The following GGTA1 variants were observed in gnomAD, a reference collection of about 807,000 sequenced individuals.
GGTA1 encodes the protein glycoprotein alpha-galactosyltransferase 1 (inactive), also known as inactive N-acetyllactosaminide alpha-1,3-galactosyltransferase.
A neutral mutation model predicts 2.6 loss-of-function variants in GGTA1; 5 were observed. That is an observed-to-expected ratio of 1.92 (90% CI 1.00 to 4.04). The LOEUF is 4.04. Among genes scored for constraint, GGTA1 ranks in the 30% most tolerant of loss-of-function variants. The pLI, the probability that GGTA1 is intolerant of heterozygous loss-of-function variation, is 0.00. For synonymous variants in GGTA1, 17 were observed against 5.0 expected, an observed-to-expected ratio of 3.38 and a Z score of -3.19; for missense variants, 50 against 16.7, an observed-to-expected ratio of 2.99 and a Z score of -3.47.
downstream of GGTA1, among the ~76,000 whole-genome samples, chr9:121,454,874 C>T (rs1189653126): frequency 3.3e-5 from 5 of 152,144 alleles, no homozygotes; most frequent in East Asian, 3.9e-4. Context: ...ATTAGCCAGG[C>T]GTGGTGGTGC....
intron 1 of GGTA1, among the ~76,000 whole-genome samples, chr9:121,492,741 T>C (rs1255904529): frequency 6.6e-6 from 1 of 151,862 alleles, no homozygotes; most frequent in Admixed American, 6.6e-5. Flanking sequence ...CCCAAAGTGC[T>C]GGGATTACAG....
At chr9:121,498,529 C>G (rs181777156) in intron 1 of GGTA1, among the ~76,000 whole-genome samples, 2 of 152,334 alleles carry the variant, frequency 1.3e-5, no homozygotes, top group East Asian at 3.9e-4. Context: ...AGGAAGGTCT[C>G]CAGTAGTATC....
intron 1 of GGTA1, among the ~76,000 whole-genome samples, chr9:121,483,723 T>G (rs1039863593): frequency 6.6e-6 from 1 of 152,178 alleles, no homozygotes; most frequent in African/African-American, 2.4e-5. Context: ...GGCCTCACTG[T>G]TGTAGAGGCA....
At chr9:121,490,146 C>T (rs1828845685) in intron 1 of GGTA1, among the ~76,000 whole-genome samples, 2 of 152,210 alleles carry the variant, frequency 1.3e-5, no homozygotes, top group Admixed American at 6.5e-5. Flanking sequence ...GAGGACATAA[C>T]TGCTGTGGTA....
intron 5 of GGTA1, among the ~76,000 whole-genome samples, chr9:121,456,424 CT>C (rs983685601): frequency 5.5e-5 from 8 of 146,396 alleles, no homozygotes; most frequent in African/African-American, 5.0e-5. Context: ...AGTTAAAATT[CT>C]TTTTTTTTTT....
chr9:121,477,105 C>T (rs915448027), intron 1 of GGTA1, among the ~76,000 whole-genome samples: 3 of 152,366 alleles, frequency 2.0e-5, no homozygotes, highest in Non-Finnish European at 4.4e-5. Flanking sequence ...CACCCAGGTT[C>T]GTCTGCCTCA....
At chr9:121,477,408 GTAATAC>G (rs1828533472) in intron 1 of GGTA1, among the ~76,000 whole-genome samples, 1 of 152,106 alleles carries the variant, frequency 6.6e-6, no homozygotes, top group African/African-American at 2.4e-5. Flanking sequence ...AGACAGTTAA[GTAATAC>G]TAATCATTTT....
At chr9:121,445,935 G>A (rs1231790502) in exon 8 of GGTA1, 1 of 152,214 alleles carries the variant, frequency 6.6e-6, no homozygotes, top group African/African-American at 2.4e-5. Context: ...CTGCTTGCAA[G>A]CCTCTTCAAT....
intron 1 of GGTA1, among the ~76,000 whole-genome samples, chr9:121,471,949 G>C (rs1828398356): frequency 6.6e-6 from 1 of 152,214 alleles, no homozygotes; most frequent in Non-Finnish European, 1.5e-5. Context: ...CTCACTTCCA[G>C]AGAAGTGGGG....
intron 3 of GGTA1, among the ~76,000 whole-genome samples, chr9:121,462,052 G>C (rs1296488975): frequency 6.6e-6 from 1 of 152,190 alleles, no homozygotes; most frequent in Non-Finnish European, 1.5e-5. Flanking sequence ...GGTCGGGCAC[G>C]GTGGCTCACG....
intron 7 of GGTA1, among the ~76,000 whole-genome samples, chr9:121,449,215 C>T (rs2064866456): frequency 6.6e-6 from 1 of 152,224 alleles, no homozygotes; most frequent in African/African-American, 2.4e-5. Context: ...ATTGTGGTTG[C>T]TCTCAAGTTT....
At chr9:121,462,569 G>A (rs1342847101) in intron 3 of GGTA1, 1 of 152,044 alleles carries the variant, frequency 6.6e-6, no homozygotes, top group East Asian at 1.9e-4. Context: ...AGAACAGAAA[G>A]AGATACATTG....
downstream of GGTA1, chr9:121,452,149 A>G (rs559938413): frequency 3.3e-5 from 5 of 152,784 alleles, no homozygotes; most frequent in East Asian, 9.6e-4. Context: ...TCTACCTTCC[A>G]ATAGCAAAAA....
At chr9:121,459,894 G>A (rs902365934) in intron 5 of GGTA1, among the ~76,000 whole-genome samples, 3 of 152,176 alleles carry the variant, frequency 2.0e-5, no homozygotes, top group Non-Finnish European at 4.4e-5. Flanking sequence ...CTAGCACAGT[G>A]TTTTTGACCA....
intron 1 of GGTA1, among the ~76,000 whole-genome samples, chr9:121,475,031 G>T (rs1265327784): frequency 6.6e-6 from 1 of 152,176 alleles, no homozygotes; most frequent in African/African-American, 2.4e-5. Context: ...TGGGAGCTGG[G>T]TAAAATAAGG....
chr9:121,458,667 A>G (rs1165097087), intron 5 of GGTA1, among the ~76,000 whole-genome samples: 1 of 151,762 alleles, frequency 6.6e-6, no homozygotes, highest in East Asian at 1.9e-4. Flanking sequence ...TAAATAAAGG[A>G]TAAGATAAGA....
intron 1 of GGTA1, among the ~76,000 whole-genome samples, chr9:121,493,317 T>C (rs1037773784): frequency 5.3e-5 from 8 of 152,042 alleles, no homozygotes; most frequent in Admixed American, 6.5e-5. Flanking sequence ...CTCCATTCCC[T>C]ACCTGTGCCC....
intron 3 of GGTA1, among the ~76,000 whole-genome samples, chr9:121,461,901 C>G (rs1486375707): frequency 6.6e-6 from 1 of 152,176 alleles, no homozygotes; most frequent in African/African-American, 2.4e-5. Context: ...ATTTGGGTTG[C>G]CCAAAGGTTA....
At chr9:121,494,352 C>A (rs1295031321) in intron 1 of GGTA1, among the ~76,000 whole-genome samples, 3 of 152,236 alleles carry the variant, frequency 2.0e-5, no homozygotes, top group Non-Finnish European at 2.9e-5. Flanking sequence ...AAGCCCAAGC[C>A]TTGGAAACTC....
Sources: allele counts gnomAD v4.1 joint callset (sites outside exome capture counted in the v4.1 genomes callset), GRCh38; gene constraint gnomAD v4.1.1; transcripts MANE v1.5; gene names NCBI Gene and HGNC (gene_info 2026-07-23, HGNC 2026-07-21).